The following LILRB3 variants were observed in gnomAD, a reference collection of about 807,000 sequenced individuals.
LILRB3 encodes leukocyte immunoglobulin like receptor B3.
Under a neutral mutation model 68.2 loss-of-function variants are expected in LILRB3, and 32 were observed. That is an observed-to-expected ratio of 0.47 (90% confidence interval 0.35 to 0.63). LILRB3 has a LOEUF of 0.63. LILRB3 is among the 30% of genes least tolerant of loss of function. LILRB3 has a pLI of 0.00. For synonymous variants in LILRB3, 185 were observed against 323.1 expected, an observed-to-expected ratio of 0.57 and a Z score of 4.58; for missense variants, 502 against 791.3, an observed-to-expected ratio of 0.63 and a Z score of 4.39.
At chr19:54,219,088 C>A in intron 8 of LILRB3, 41 bp downstream of exon 8, 1 of 1,552,418 alleles carries the variant, frequency 6.4e-7, no homozygotes, top group African/African-American at 1.4e-5. Flanking sequence ...GCCCTGAGCC[C>A]ACCCTCGGTC....
intron 11 of LILRB3, among the ~76,000 whole-genome samples, chr19:54,217,861 T>A (rs952271358): frequency 2.6e-5 from 4 of 152,016 alleles, no homozygotes; most frequent in South Asian, 2.1e-4. Flanking sequence ...TGCCCCACAC[T>A]CTCTGCCCTT....
In LILRB3 at chr19:54,217,242, G is replaced by A. The variant is rs770410455; in HGVS notation, c.1750-3C>T. 1.8e-5 allele frequency: 29 copies of A among 1,610,270 alleles called. No homozygotes were observed. In the South Asian group the frequency reaches 2.7e-4, roughly 15 times the overall value. The stretch of plus-strand genomic sequence containing the variant: ...TGGGAGGCTTCAGATGCAGCAGCCT[G>A]CAGCGGGGGAGAGTGAGAGGTAAGG... On this transcript the variant is annotated splice_region_variant and splice_polypyrimidine_tract_variant and intron_variant, in intron 12 of 12. Transcript: ENST00000445347.
intron 8 of LILRB3, 64 bp from the exon 9 acceptor site, chr19:54,218,902 C>A (rs1213368445): frequency 6.2e-7 from 1 of 1,603,360 alleles, no homozygotes. Context: ...ACACATGCAA[C>A]TTGAGGGAAA....
chr19:54,217,016 C>A, exon 13 of LILRB3: 1 of 1,610,696 alleles, frequency 6.2e-7, no homozygotes, highest in Non-Finnish European at 8.5e-7. Flanking sequence ...TCACTGGTGT[C>A]CACTGGGGGC....
chr19:54,218,310 T>G (rs1371253829), intron 11 of LILRB3, 51 bp downstream of exon 11: 1 of 1,609,216 alleles, frequency 6.2e-7, no homozygotes, highest in Non-Finnish European at 8.5e-7. Flanking sequence ...CCTGCAGGAT[T>G]AGATCTGGCA....
chr19:54,222,074 C>G, exon 4 of LILRB3: 4 of 1,611,162 alleles, frequency 2.5e-6, no homozygotes, highest in Non-Finnish European at 2.5e-6. Context: ...GTCATATTCC[C>G]CCCTGAGGCC....
exon 12 of LILRB3, chr19:54,217,471 G>A (rs760183899): frequency 1.2e-6 from 2 of 1,608,356 alleles, no homozygotes; most frequent in Admixed American, 3.3e-5. Context: ...TCATCGTGTG[G>A]GCTCTGCTGG....
At chr19:54,217,500 G>T in intron 11 of LILRB3, 26 bp from the exon 12 acceptor site, 1 of 1,595,234 alleles carries the variant, frequency 6.3e-7, no homozygotes, top group Non-Finnish European at 8.5e-7. Context: ...AGTGGTGGGG[G>T]GTGTCCTTGA....
intron 2 of LILRB3, 73 bp downstream of exon 2, chr19:54,222,674 C>T (rs879184748): frequency 0.079 from 124,467 of 1,577,812 alleles, 15 homozygotes; most frequent in South Asian, 0.21. Flanking sequence ...ACTGTCTCCT[C>T]CCCCAGCTGC....
chr19:54,218,517 T>A (rs972280666), intron 10 of LILRB3, 104 bp from the exon 11 acceptor site: 4 of 1,602,522 alleles, frequency 2.5e-6, no homozygotes, highest in Non-Finnish European at 2.6e-6. Context: ...TGCAGGGAGG[T>A]CCCACAGTGT....
chr19:54,218,460 C>T lies in LILRB3; in HGVS notation c.1541-47G>A, dbSNP rs1360435355. 7 of 1,611,958 alleles carry T rather than the reference C, an allele frequency of 4.3e-6. No homozygotes were observed. The Admixed American group carries it at 8.3e-5, about 19-fold the overall frequency. Reference sequence around the variant, plus strand: ...TTCGTCTCCTGGTTCTCTGAGACCTCTCAGTCCTGCTGGCCCCCTGCCCTG... The same window carrying T: ...TTCGTCTCCTGGTTCTCTGAGACCTTTCAGTCCTGCTGGCCCCCTGCCCTG... On this transcript the variant is annotated intron_variant, in intron 10 of 12. Transcript: ENST00000445347.
At chr19:54,220,958 CT>C in intron 5 of LILRB3, 124 bp downstream of exon 5, 1 of 1,075,616 alleles carries the variant, frequency 9.3e-7, no homozygotes, top group Non-Finnish European at 1.2e-6. Flanking sequence ...CCCCCATCCC[CT>C]GTCTCTGTCT....
Position 54,222,458 on chromosome 19 carries a change from G to A in LILRB3, c.175C>T (p.Gln59Ter), listed in dbSNP as rs781614239. 1.2e-6 allele frequency: 2 copies of A among 1,600,514 alleles called. No individual in the cohort carries two copies. Among genetic ancestry groups the A allele is most frequent in the Middle Eastern group, 1.7e-4 (1 of 6,006 alleles). ...TCTGGGCTTCCCTCTTTATCCAGTT[G>A]GTACTCCTGGGCCTCCAGGCTCCCC... The change falls in exon 3 of 13, where the codon CAA (glutamine) becomes TAA (stop). Residue 59 changes from glutamine to a stop codon, truncating the protein, a stop_gained. Coordinates refer to ENST00000445347, the Ensembl canonical transcript of LILRB3. LOFTEE classifies it high-confidence loss of function.
At chr19:54,216,450 T>C (rs375175710) in exon 13 of LILRB3, 4 of 184,940 alleles carry the variant, frequency 2.2e-5, no homozygotes, top group African/African-American at 7.2e-5. Context: ...GCTGGGACTA[T>C]AGGCACTCGC....
rs1296322410 is a variant in LILRB3, at chr19:54,221,167, C to T, written c.871G>A (p.Gly291Arg). Residue 291 changes from glycine to arginine, a missense_variant, in exon 5 of 13, where the codon GGG becomes AGG. Physicochemically the swap from Gly to Arg is moderately radical, Grantham distance 125. Transcript: ENST00000445347. ...GCACCATAGCACCTGTACTGGCCCC[C>T]GTAGGAGCGGCTCACAGGGCCCAGG... 48 of 1,332,298 alleles carry T rather than the reference C, an allele frequency of 3.6e-5. 10 individuals carry two copies. Among genetic ancestry groups the T allele is most frequent in the Non-Finnish European group, 3.9e-5 (38 of 972,780 alleles). 82.5% of individuals were successfully genotyped at this position (1,332,298 alleles called of 1,614,324 possible).
intron 11 of LILRB3, 148 bp from the exon 12 acceptor site, chr19:54,217,622 G>A (rs1257686663): frequency 1.3e-5 from 15 of 1,123,354 alleles, no homozygotes; most frequent in South Asian, 8.0e-5. Context: ...GGGTCTGGCC[G>A]CTCCCTCCCT....
chr19:54,222,715 T>C, intron 2 of LILRB3, 32 bp downstream of exon 2: 1 of 1,612,430 alleles, frequency 6.2e-7, no homozygotes, highest in Non-Finnish European at 8.5e-7. Context: ...CAGTGAGGAG[T>C]AGGGACCTGG....
At chr19:54,222,374 A>T (rs530039193) in exon 3 of LILRB3, 2 of 1,606,844 alleles carry the variant, frequency 1.2e-6, no homozygotes, top group East Asian at 4.5e-5. Flanking sequence ...TGTGTCATGG[A>T]TGGGATGGAG....
Position 54,220,513 on chromosome 19 carries a change from G to A in LILRB3, c.1258+15C>T. ...GAGCCTTTGAGCTCAGAGAGGACGG[G>A]GTCAGCGCCCTCACCTGAGACCATG... On this transcript the variant is annotated intron_variant, in intron 6 of 12. Transcript: ENST00000445347. 1 of 1,336,836 alleles carries A rather than the reference G, an allele frequency of 7.5e-7. No individual in the cohort carries two copies. The highest frequency in any genetic ancestry group is 1.0e-6 in the Non-Finnish European group (1 of 982,572). 82.8% of individuals were successfully genotyped at this position (1,336,836 alleles called of 1,614,324 possible). A position where few individuals can be genotyped will look rare whatever the true frequency, so the allele number is the denominator to read the frequency against.
Sources: allele counts gnomAD v4.1 joint callset (sites outside exome capture counted in the v4.1 genomes callset), GRCh38; gene constraint gnomAD v4.1.1; transcripts MANE v1.5; gene names NCBI Gene and HGNC (gene_info 2026-07-23, HGNC 2026-07-21).